The following VMP1 variants were observed in gnomAD, a reference collection of about 807,000 sequenced individuals.
The protein encoded by VMP1 is vacuole membrane protein 1.
A neutral mutation model predicts 56.0 loss-of-function variants in VMP1; 11 were observed. That is an observed-to-expected ratio of 0.20 (90% CI 0.12 to 0.32). The LOEUF (loss-of-function observed/expected upper bound fraction) is 0.32. VMP1 is among the 10% of genes least tolerant of loss of function. The pLI, the probability that VMP1 is intolerant of heterozygous loss-of-function variation, is 1.00. For missense variants in VMP1, 296 were observed against 490.3 expected, an observed-to-expected ratio of 0.60 and a Z score of 3.74; for synonymous variants, 149 against 165.0, an observed-to-expected ratio of 0.90 and a Z score of 0.74.
At chr17:59,762,391 T>A (rs1239120262) in intron 5 of VMP1, among the ~76,000 whole-genome samples, 2 of 152,236 alleles carry the variant, frequency 1.3e-5, no homozygotes, top group Non-Finnish European at 2.9e-5. Flanking sequence ...TGCTACATTG[T>A]AGTGAGACTT....
intron 5 of VMP1, among the ~76,000 whole-genome samples, chr17:59,751,614 G>T (rs1336509155): frequency 6.8e-6 from 1 of 147,346 alleles, no homozygotes; most frequent in Non-Finnish European, 1.5e-5. Flanking sequence ...TGGTGGGGGG[G>T]GCGCCTGTAA....
chr17:59,768,568 A>G (rs191954606), intron 6 of VMP1, among the ~76,000 whole-genome samples: 4 of 151,814 alleles, frequency 2.6e-5, no homozygotes, highest in Non-Finnish European at 4.4e-5. Context: ...ACACCATTGC[A>G]CTCCAGCCTG....
intron 5 of VMP1, among the ~76,000 whole-genome samples, chr17:59,757,242 TAGA>T (rs2035873749): frequency 3.9e-5 from 1 of 25,504 alleles, no homozygotes; most frequent in African/African-American, 3.0e-4. Context: ...AGGATGGAGA[TAGA>T]TAGATAGATA....
At position 59,838,339 on chromosome 17, in the gene VMP1, A is replaced by G. The variant is rs747227852; in HGVS notation, c.1019A>G (p.Glu340Gly). The G allele has an allele frequency of 6.2e-7, 1 of 1,614,062 alleles. No homozygotes were observed. The highest frequency in any genetic ancestry group is 1.7e-5 in the Admixed American group (1 of 60,002). ...CCATCTCTGCAGAAGCCATTTCAGG[A>G]GTACCTGGAGGCTCAACGGCAGAAG... The part of the protein sequence containing the change: ...IGPSLQKPFQ[E>G]YLEAQRQKLH... Residue 340 changes from glutamate to glycine, a missense_variant, in exon 11 of 12, where the codon GAG (glutamate) becomes GGG (glycine). By Grantham distance (98) the Glu-to-Gly change is moderately conservative (BLOSUM62 -2). This residue lies in a region of VMP1 where 95 missense variants were observed against 137.6 expected (regional missense o/e 0.69). Coordinates refer to ENST00000262291, the MANE Select transcript of VMP1 (RefSeq NM_030938.5).
intron 1 of VMP1, among the ~76,000 whole-genome samples, chr17:59,724,971 A>T (rs1458863814): frequency 2.8e-5 from 4 of 141,916 alleles, no homozygotes; most frequent in Non-Finnish European, 6.1e-5. Flanking sequence ...GTCTCAAAAA[A>T]AAAAACAAAA....
At chr17:59,780,882 C>T (rs1346428750) in intron 7 of VMP1, among the ~76,000 whole-genome samples, 1 of 152,084 alleles carries the variant, frequency 6.6e-6, no homozygotes, top group African/African-American at 2.4e-5. Flanking sequence ...GCCCCTGTGC[C>T]CAGCCTGATT....
intron 7 of VMP1, among the ~76,000 whole-genome samples, chr17:59,808,254 C>G (rs2037919248): frequency 6.6e-6 from 1 of 152,164 alleles, no homozygotes; most frequent in Admixed American, 6.5e-5. Context: ...TCCACTATAC[C>G]TACATACCAG....
At chr17:59,727,785 C>T (rs549681532) in intron 1 of VMP1, among the ~76,000 whole-genome samples, 5 of 152,116 alleles carry the variant, frequency 3.3e-5, no homozygotes, top group Non-Finnish European at 4.4e-5. Flanking sequence ...CACATGCATG[C>T]GTATCAACAA....
intron 7 of VMP1, among the ~76,000 whole-genome samples, chr17:59,798,882 G>C (rs528497191): frequency 6.6e-6 from 1 of 151,966 alleles, no homozygotes; most frequent in South Asian, 2.1e-4. Flanking sequence ...GCGAAACTCC[G>C]TCTCAAAAGA....
chr17:59,740,098 AAAAG>A (rs1024699114), intron 5 of VMP1, among the ~76,000 whole-genome samples: 7 of 152,202 alleles, frequency 4.6e-5, no homozygotes, highest in African/African-American at 9.6e-5. Flanking sequence ...AAGAAAAAGA[AAAAG>A]AAATAAGAGA....
intron 7 of VMP1, among the ~76,000 whole-genome samples, chr17:59,794,627 G>A (rs2037371045): frequency 6.9e-6 from 1 of 145,742 alleles, no homozygotes; most frequent in African/African-American, 2.5e-5. Flanking sequence ...GCTGGTAACT[G>A]GGCTGGAATA....
chr17:59,828,781 A>G (rs2038720315), intron 10 of VMP1, among the ~76,000 whole-genome samples: 1 of 152,244 alleles, frequency 6.6e-6, no homozygotes, highest in Non-Finnish European at 1.5e-5. Flanking sequence ...CAAGTAGAAT[A>G]CATCAGTTAC....
intron 1 of VMP1, among the ~76,000 whole-genome samples, chr17:59,708,303 G>A (rs1423156711): frequency 6.6e-6 from 1 of 152,138 alleles, no homozygotes; most frequent in African/African-American, 2.4e-5. Context: ...ATTTTTCACT[G>A]CTTTAATGAA....
At chr17:59,790,515 C>G (rs1248855510) in intron 7 of VMP1, among the ~76,000 whole-genome samples, 1 of 152,152 alleles carries the variant, frequency 6.6e-6, no homozygotes, top group Non-Finnish European at 1.5e-5. Flanking sequence ...TTTGGCCAGG[C>G]GTGGTGGCTC....
In VMP1 at chr17:59,840,054, C is replaced by T; in HGVS notation, c.*143C>T. On this transcript the variant is annotated 3_prime_UTR_variant, in exon 12 of 12. Coordinates refer to ENST00000262291, the MANE Select transcript of VMP1 (RefSeq NM_030938.5). ...TTTCCTGAAAGCAGTTTAGTCCATA[C>T]TTTGCACTGACATACTTTTTCCTTC... The T allele has an allele frequency of 1.9e-6, 2 of 1,027,628 alleles. No homozygotes were observed. The highest frequency in any genetic ancestry group is 2.8e-6 in the Non-Finnish European group (2 of 715,810). 63.7% of individuals were successfully genotyped at this position (1,027,628 alleles called of 1,614,324 possible). A position where few individuals can be genotyped will look rare whatever the true frequency, so the allele number is the denominator to read the frequency against.
chr17:59,734,390 G>T (rs1384396246), intron 2 of VMP1, among the ~76,000 whole-genome samples: 1 of 152,176 alleles, frequency 6.6e-6, no homozygotes, highest in Non-Finnish European at 1.5e-5. Flanking sequence ...AGGCTGGATG[G>T]AGCAGGACTG....
At chr17:59,798,193 G>A (rs2645492) in intron 7 of VMP1, among the ~76,000 whole-genome samples, 28,008 of 152,108 alleles carry the variant, frequency 0.18, 3,201 homozygotes, top group East Asian at 0.44. Context: ...ATTTGGTAAC[G>A]GAAATACATC....
chr17:59,838,100 CTTTTTTTTT>C (rs371074488), intron 10 of VMP1, 186 bp from the exon 11 acceptor site: 1 of 127,240 alleles, frequency 7.9e-6, no homozygotes, highest in African/African-American at 3.5e-5. Flanking sequence ...AGTAAATTTT[CTTTTTTTTT>C]TTTTTTTTTT....
rs1179269248 is a variant in VMP1, at chr17:59,772,950, C to CTTTTTTTTTTTTTTTTTTTTTTTTT, written c.583-798_583-774dup. On this transcript the variant is annotated intron_variant, in intron 6 of 11. Coordinates refer to ENST00000262291, the MANE Select transcript of VMP1 (RefSeq NM_030938.5). The stretch of plus-strand genomic sequence containing the variant: ...TATCTAACACATATACTGGTGAATT[C>CTTTTTTTTTTTTTTTTTTTTTTTTT]TTTTTTTTTTTTTTTTTTTTTTTTT... Among the ~76,000 whole-genome samples the CTTTTTTTTTTTTTTTTTTTTTTTTT allele has an allele frequency of 3.8e-4, 21 of 55,718 alleles. 5 individuals are homozygous for CTTTTTTTTTTTTTTTTTTTTTTTTT. The highest frequency in any genetic ancestry group is 5.5e-4 in the African/African-American group (7 of 12,784). 36.6% of individuals were successfully genotyped at this position (55,718 alleles called of 152,430 possible). A position where few individuals can be genotyped will look rare whatever the true frequency, so the allele number is the denominator to read the frequency against.
Sources: allele counts gnomAD v4.1 joint callset (sites outside exome capture counted in the v4.1 genomes callset), GRCh38; gene constraint gnomAD v4.1.1; regional missense constraint gnomAD v4.1.1; transcripts MANE v1.5; gene names NCBI Gene and HGNC (gene_info 2026-07-23, HGNC 2026-07-21).